COL4A6: variants seen among roughly 807,000 people sequenced by gnomAD.
COL4A6 encodes collagen type IV alpha 6 chain.
A neutral mutation model predicts 126.7 loss-of-function variants in COL4A6; 59 were observed. The observed-to-expected ratio is 0.47, with a 90% CI of 0.38 to 0.58. The LOEUF is 0.58. Ranked by LOEUF, COL4A6 falls within the 20% of genes least tolerant of loss-of-function variation. The probability of loss-of-function intolerance (pLI) is 0.00; values close to 1 mark genes in which losing one functional copy is unlikely to be tolerated. For missense variants in COL4A6, 1,285 were observed against 1,337.3 expected, an observed-to-expected ratio of 0.96 and a Z score of 0.61; for synonymous variants, 547 against 496.6, an observed-to-expected ratio of 1.10 and a Z score of -1.35.
At chrX:108,267,897 G>A (rs754177107) in intron 3 of COL4A6, 1 of 112,421 alleles carries the variant, frequency 8.9e-6, no homozygotes, top group Non-Finnish European at 1.9e-5. Flanking sequence ...CCAAAGCATT[G>A]AACTTAGTTT....
intron 3 of COL4A6, among the ~76,000 whole-genome samples, chrX:108,237,900 A>G (rs1245743981): frequency 9.5e-6 from 1 of 105,517 alleles, no homozygotes; most frequent in African/African-American, 3.5e-5. Flanking sequence ...CTATCTATCT[A>G]TCTATCTATG....
intron 3 of COL4A6, among the ~76,000 whole-genome samples, chrX:108,242,444 G>A (rs186711786): frequency 3.6e-5 from 4 of 111,384 alleles, no homozygotes; most frequent in East Asian, 2.8e-4. Context: ...AAACACCACC[G>A]CACAATTAAC....
intron 2 of COL4A6, among the ~76,000 whole-genome samples, chrX:108,337,070 A>G (rs1308808831): frequency 9.0e-6 from 1 of 111,341 alleles, no homozygotes; most frequent in African/African-American, 3.3e-5. Flanking sequence ...GGCCCACTTT[A>G]TTTTAAAATT....
chrX:108,270,422 T>A (rs1434081847), intron 3 of COL4A6, among the ~76,000 whole-genome samples: 1 of 112,744 alleles, frequency 8.9e-6, no homozygotes, highest in Admixed American at 9.4e-5. Flanking sequence ...GCATGTCAGC[T>A]GTAACCATGA....
chrX:108,332,848 A>G (rs1247008679), intron 2 of COL4A6, among the ~76,000 whole-genome samples: 1 of 111,059 alleles, frequency 9.0e-6, no homozygotes, highest in African/African-American at 3.3e-5. Context: ...GCATTAAGTC[A>G]CATGTGTCTA....
At chrX:108,295,691 T>C (rs1009171639) in intron 3 of COL4A6, among the ~76,000 whole-genome samples, 1 of 111,828 alleles carries the variant, frequency 8.9e-6, no homozygotes, top group African/African-American at 3.3e-5. Context: ...TTATTGCATA[T>C]GGGTGATAAT....
intron 13 of COL4A6, among the ~76,000 whole-genome samples, chrX:108,201,959 T>C (rs4320693): frequency 0.05 from 5,590 of 111,826 alleles, 205 homozygotes; most frequent in African/African-American, 0.12. Context: ...GGTTCCTACT[T>C]CTCTGTCTGG....
At chrX:108,438,486 A>G (rs1603240150), upstream of COL4A6, 5 of 988,995 alleles carry the variant, frequency 5.1e-6, no homozygotes, top group Non-Finnish European at 6.3e-6. Context: ...GCTGTCAATC[A>G]TCCCCCCTAC....
intron 12 of COL4A6, among the ~76,000 whole-genome samples, chrX:108,203,565 G>A (rs890516181): frequency 8.9e-6 from 1 of 112,333 alleles, no homozygotes; most frequent in Admixed American, 9.4e-5. Flanking sequence ...CTTCCACGAA[G>A]ACAAATTTAA....
intron 2 of COL4A6, among the ~76,000 whole-genome samples, chrX:108,418,881 T>G (rs2041481309): frequency 8.9e-6 from 1 of 112,476 alleles, no homozygotes; most frequent in Non-Finnish European, 1.9e-5. Flanking sequence ...TGGTGGTACC[T>G]GCAGATACCC....
chrX:108,336,114 G>A (rs750689364), intron 2 of COL4A6, among the ~76,000 whole-genome samples: 5 of 111,743 alleles, frequency 4.5e-5, no homozygotes, highest in Non-Finnish European at 9.4e-5. Flanking sequence ...ATATGACTCA[G>A]CAATTGCATT....
intron 2 of COL4A6, among the ~76,000 whole-genome samples, chrX:108,384,392 T>C (rs889415986): frequency 2.7e-5 from 3 of 112,674 alleles, no homozygotes; most frequent in African/African-American, 9.7e-5. Flanking sequence ...AGGCAATGAA[T>C]GTAGGCACAG....
chrX:108,199,232 G>T (rs1298313157), intron 13 of COL4A6, among the ~76,000 whole-genome samples: 1 of 110,696 alleles, frequency 9.0e-6, no homozygotes, highest in Non-Finnish European at 1.9e-5. Context: ...CTTCAGTGCT[G>T]CCTTGTTTCT....
intron 13 of COL4A6, among the ~76,000 whole-genome samples, chrX:108,200,463 G>T (rs1438683798): frequency 8.9e-6 from 1 of 112,067 alleles, no homozygotes; most frequent in Non-Finnish European, 1.9e-5. Context: ...ATTTTGTAAA[G>T]AAACTTCGCA....
At position 108,164,986 on chromosome X, in the gene COL4A6, T is replaced by C. The variant is rs1201468914; in HGVS notation, c.3861A>G (p.Gln1287=). The change falls in exon 39 of 45, where the codon CAA becomes CAG. Residue 1287 remains glutamine (Q), a synonymous_variant. Coordinates refer to ENST00000334504, the MANE Select transcript of COL4A6 (RefSeq NM_033641.4). ...GGAAGCCAGGGTCTCCGGTGTCGCC[T>C]TGATTCGAGGATGGCCCAGGGGGAC... The part of the protein sequence containing the change: ...PPGPPGPSSN[Q]GDTGDPGFPG... 8.3e-7 allele frequency: 1 copy of C among 1,207,895 alleles called. No homozygotes were observed. The highest frequency in any genetic ancestry group is 1.8e-5 in the African/African-American group (1 of 56,519).
At chrX:108,304,557 G>A (rs1483478536) in intron 3 of COL4A6, among the ~76,000 whole-genome samples, 6 of 111,791 alleles carry the variant, frequency 5.4e-5, no homozygotes, top group Non-Finnish European at 1.1e-4. Context: ...GAGGAGGGTG[G>A]AAACAACGTC....
intron 13 of COL4A6, among the ~76,000 whole-genome samples, chrX:108,201,635 A>T (rs2035394455): frequency 8.9e-6 from 1 of 112,083 alleles, no homozygotes; most frequent in African/African-American, 3.2e-5. Context: ...GTACACGAGG[A>T]ATCATTATGA....
chrX:108,401,592 G>T (rs1345965432), intron 2 of COL4A6, among the ~76,000 whole-genome samples: 1 of 110,867 alleles, frequency 9.0e-6, no homozygotes. Context: ...GGAATTATGG[G>T]TGGGTACTCT....
chrX:108,190,411 T>C lies in COL4A6; in HGVS notation c.1407A>G (p.Leu469=). 1 of 1,203,609 alleles carries C rather than the reference T, an allele frequency of 8.3e-7. No homozygotes were observed. The highest frequency in any genetic ancestry group is 1.1e-6 in the Non-Finnish European group (1 of 888,818). ...AATCACCTTTTATTCCTTTGAGGCC[T>C]AGGTTTCCTTTTGGACCTTGTTCTC... The part of the protein sequence containing the change: ...LRGEQGPKGN[L]GLKGIKGDSG... Residue 469 remains leucine (L), a synonymous_variant, in exon 20 of 45, where the codon CTA becomes CTG. Coordinates refer to ENST00000334504, the MANE Select transcript of COL4A6 (RefSeq NM_033641.4).
Sources: gnomAD v4.1 joint callset for allele counts (sites outside exome capture counted in the v4.1 genomes callset) on GRCh38, gnomAD v4.1.1 for gene constraint, MANE v1.5 for transcripts, NCBI Gene and HGNC (gene_info 2026-07-23, HGNC 2026-07-21) for gene names.